Variants in BIN1 observed in about 807,000 individuals in gnomAD.
The protein encoded by BIN1 is bridging integrator 1.
BIN1 carries 53 observed loss-of-function variants against 82.0 expected under a neutral mutation model. The ratio of observed to expected loss-of-function variants is 0.65; its 90% confidence interval spans 0.52 to 0.81. BIN1 has a LOEUF of 0.81. Among genes scored for constraint, BIN1 ranks in the 40% least tolerant of loss-of-function variants. BIN1 has a pLI of 0.00. For synonymous variants in BIN1, 302 were observed against 328.0 expected (o/e 0.92, Z 0.86); for missense variants, 642 against 784.4 (o/e 0.82, Z 2.17).
intron 1 of BIN1, among the ~76,000 whole-genome samples, chr2:127,086,350 C>T (rs544110449): frequency 2.9e-4 from 44 of 152,190 alleles, no homozygotes; most frequent in Non-Finnish European, 2.1e-4. Flanking sequence ...ATCCAAAGAT[C>T]GAACTGGTAA....
chr2:127,069,731 A>AAT (rs1685624037), intron 5 of BIN1, among the ~76,000 whole-genome samples: 1 of 147,586 alleles, frequency 6.8e-6, no homozygotes, highest in South Asian at 2.2e-4. Context: ...ACTCCGCAGC[A>AAT]ACACACACAC....
rs1016854175 is a variant in BIN1 at position 127,107,107 on chromosome 2, C to T, written c.-164G>A. 1 of 727,838 alleles carries T rather than the reference C, an allele frequency of 1.4e-6. No individual in the cohort carries two copies. The highest frequency in any genetic ancestry group is 1.9e-6 in the Non-Finnish European group (1 of 517,072). The allele number at this position is 727,838 out of a possible 1,614,324, so 45.1% of individuals were successfully genotyped here. ...TGACGGAGGCGGAGCGTGCGCCGGA[C>T]GGGCGAGCGAGCCAGCGAGCTAGCC... On this transcript the variant is annotated 5_prime_UTR_variant, in exon 1 of 19. Transcript: ENST00000316724. This position sits in a 1 kb window ranked among gnomAD's most constrained non-coding sequence, Gnocchi z 5.9.
In BIN1 at chr2:127,067,068, C is replaced by CA. The variant is rs5834162; in HGVS notation, c.612+1094dup. Among the ~76,000 whole-genome samples, 150 of 115,286 alleles carry CA rather than the reference C, an allele frequency of 1.3e-3. No homozygotes were observed. In the South Asian group the frequency reaches 0.016, roughly 12 times the overall value. The allele number at this position is 115,286 out of a possible 152,430, so 75.6% of individuals were successfully genotyped here. A position where few individuals can be genotyped will look rare whatever the true frequency, so the allele number is the denominator to read the frequency against. On this transcript the variant is annotated intron_variant, in intron 7 of 18. Coordinates refer to ENST00000316724, the MANE Select transcript of BIN1 (RefSeq NM_139343.3). The surrounding 1 kb of genome is among the most constrained non-coding windows in gnomAD (Gnocchi z 4.7). ...CCAGGGGAACGGAGAGAAACCCGTT[C>CA]AAAAAAAAAAAAAAAATAGAAAAAG...
chr2:127,056,255 CG>C, intron 12 of BIN1: 1 of 152,522 alleles, frequency 6.6e-6, no homozygotes, highest in Non-Finnish European at 1.5e-5. Flanking sequence ...ATGCTCGAGC[CG>C]GGGAGGCCAG....
chr2:127,106,644 G>C (rs1681167751), intron 1 of BIN1, among the ~76,000 whole-genome samples: 1 of 152,222 alleles, frequency 6.6e-6, no homozygotes, highest in Non-Finnish European at 1.5e-5. Flanking sequence ...CCCCGGCCGG[G>C]TGTGGGGAGA....
intron 1 of BIN1, among the ~76,000 whole-genome samples, chr2:127,086,285 G>C (rs558486214): frequency 6.6e-6 from 1 of 152,302 alleles, no homozygotes; most frequent in African/African-American, 2.4e-5. Flanking sequence ...ACACTGGGGG[G>C]AGCGGGCGTG....
chr2:127,069,731 A>ACAC (rs368418986), intron 5 of BIN1, among the ~76,000 whole-genome samples: 1 of 147,586 alleles, frequency 6.8e-6, no homozygotes, highest in Non-Finnish European at 1.5e-5. Context: ...ACTCCGCAGC[A>ACAC]ACACACACAC....
In BIN1 at chr2:127,068,401, A is replaced by C; in HGVS notation, c.520-146T>G. 7.4e-6 allele frequency: 4 copies of C among 543,582 alleles called. No individual in the cohort carries two copies. Among genetic ancestry groups the C allele is most frequent in the East Asian group, 3.6e-5 (1 of 27,556 alleles). 33.7% of individuals were successfully genotyped at this position (543,582 alleles called of 1,614,324 possible). Reference sequence around the variant, plus strand: ...AGATATGGGCCCTTGAGGCCGAGAGAATTAGGGGGAGCCCGGGGGGTAAGG... The same window carrying C: ...AGATATGGGCCCTTGAGGCCGAGAGCATTAGGGGGAGCCCGGGGGGTAAGG... On this transcript the variant is annotated intron_variant, in intron 6 of 18. Transcript: ENST00000316724. The surrounding 1 kb of genome is among the most constrained non-coding windows in gnomAD (Gnocchi z 4.9).
intron 2 of BIN1, 62 bp from the exon 3 acceptor site, chr2:127,070,878 T>A: frequency 6.6e-7 from 1 of 1,521,270 alleles, no homozygotes; most frequent in Non-Finnish European, 9.0e-7. Context: ...CCTGACCCTC[T>A]CCTTCCTGCC....
intron 2 of BIN1, among the ~76,000 whole-genome samples, chr2:127,073,522 G>A (rs1043827194): frequency 5.9e-5 from 9 of 152,086 alleles, no homozygotes; most frequent in South Asian, 2.1e-4. Flanking sequence ...CCAAGCCCTC[G>A]CTGCACCTCC....
At chr2:127,064,554 C>G (rs995743969) in intron 7 of BIN1, among the ~76,000 whole-genome samples, 2 of 152,214 alleles carry the variant, frequency 1.3e-5, no homozygotes, top group African/African-American at 4.8e-5. Context: ...CTTCACCTCC[C>G]AGGGATGGTC....
rs187977939 is a variant in BIN1, at chr2:127,048,535, C to T, written c.1773G>A (p.Arg591=). The change falls in exon 19 of 19, where the codon AGG becomes AGA. Residue 591 remains arginine, a synonymous_variant. Coordinates refer to ENST00000316724, the MANE Select transcript of BIN1 (RefSeq NM_139343.3). ...TGCCTGGGCCCCGCCGTCATGGGAC[C>T]CTCTCAGTGAAGTTCTCGGGGAAGA... The part of the protein sequence containing the change: ...RGVFPENFTE[R]VP 5.6e-6 allele frequency: 9 copies of T among 1,613,962 alleles called. No individual in the cohort carries two copies. The highest frequency in any genetic ancestry group is 4.5e-5 in the East Asian group (2 of 44,890).
At chr2:127,092,476 C>A (rs1042413822) in intron 1 of BIN1, among the ~76,000 whole-genome samples, 3 of 152,194 alleles carry the variant, frequency 2.0e-5, no homozygotes, top group Non-Finnish European at 4.4e-5. Context: ...AGAGGCTGAC[C>A]GCTGCTCAGC....
intron 1 of BIN1, among the ~76,000 whole-genome samples, chr2:127,092,346 G>A (rs1679046388): frequency 6.6e-6 from 1 of 152,212 alleles, no homozygotes; most frequent in South Asian, 2.1e-4. Flanking sequence ...TGGGACAGAA[G>A]TGGACATAGC....
In BIN1 at chr2:127,070,825, A is replaced by G. The variant is rs1276804967; in HGVS notation, c.166-9T>C. ...AGCCGGGTGCCCTCCGTCTGCAAAG[A>G]GAAGGACAAGGACCAGGTCAGGGAC... On this transcript the variant is annotated splice_polypyrimidine_tract_variant and intron_variant, in intron 2 of 18. Transcript: ENST00000316724. The G allele has an allele frequency of 1.2e-6, 2 of 1,611,142 alleles. No individual in the cohort carries two copies. The highest frequency in any genetic ancestry group is 1.7e-6 in the Non-Finnish European group (2 of 1,179,504).
At chr2:127,075,666 CAGAA>C (rs1379349686) in intron 2 of BIN1, among the ~76,000 whole-genome samples, 1 of 152,038 alleles carries the variant, frequency 6.6e-6, no homozygotes, top group Non-Finnish European at 1.5e-5. Flanking sequence ...AGCCCTCTCC[CAGAA>C]TGCTCCCAGC....
chr2:127,097,493 G>A (rs2105317625), intron 1 of BIN1, among the ~76,000 whole-genome samples: 2 of 152,264 alleles, frequency 1.3e-5, no homozygotes, highest in African/African-American at 4.8e-5. Flanking sequence ...ATGGGACAGG[G>A]CAGGTACAGG....
chr2:127,050,366 G>A lies in BIN1; in HGVS notation c.1674+55C>T, dbSNP rs543266648. On this transcript the variant is annotated intron_variant, in intron 18 of 18. Transcript: ENST00000316724. ...TGTCTCCGCCACGGCGGTGCCAGCCGCAGCCAGGATGCCTGTGGTCCCCCT... is the reference window on the plus strand; with the variant it reads ...TGTCTCCGCCACGGCGGTGCCAGCCACAGCCAGGATGCCTGTGGTCCCCCT... 5.8e-4 allele frequency: 919 copies of A among 1,593,570 alleles called. 3 individuals carry two copies. The highest frequency in any genetic ancestry group is 6.4e-4 in the Non-Finnish European group (749 of 1,163,234).
At chr2:127,071,393 T>C (rs1028939288) in intron 2 of BIN1, among the ~76,000 whole-genome samples, 1 of 152,096 alleles carries the variant, frequency 6.6e-6, no homozygotes, top group Admixed American at 6.5e-5. Flanking sequence ...CAGAATGCGG[T>C]GGTCATGGCC....
Sources: gnomAD v4.1 joint callset for allele counts (sites outside exome capture counted in the v4.1 genomes callset) on GRCh38, gnomAD v4.1.1 for gene constraint, Gnocchi (gnomAD v3.1) non-coding constraint, MANE v1.5 for transcripts, NCBI Gene and HGNC (gene_info 2026-07-23, HGNC 2026-07-21) for gene names.